The following PCDHGA10 variants were observed in gnomAD, a reference collection of about 807,000 sequenced individuals.
The protein encoded by PCDHGA10 is protocadherin gamma subfamily A, 10.
Under a neutral mutation model 59.5 loss-of-function variants are expected in PCDHGA10, and 42 were observed. The ratio of observed to expected loss-of-function variants is 0.71; its 90% confidence interval spans 0.55 to 0.91. PCDHGA10 has a LOEUF of 0.91. Ranked by LOEUF, PCDHGA10 falls within the 40% of genes least tolerant of loss-of-function variation. PCDHGA10 has a pLI of 0.00. For missense variants in PCDHGA10, 1,111 were observed against 1,198.2 expected (o/e 0.93, Z 1.07); for synonymous variants, 511 against 517.2 (o/e 0.99, Z 0.16).
chr5:141,474,961 A>G (rs1395755491), intron 1 of PCDHGA10, among the ~76,000 whole-genome samples: 1 of 152,254 alleles, frequency 6.6e-6, no homozygotes, highest in South Asian at 2.1e-4. Flanking sequence ...TCACTATCCT[A>G]ATCATTATAA....
At chr5:141,421,618 G>T (rs748399893) in intron 1 of PCDHGA10, 1 of 1,613,766 alleles carries the variant, frequency 6.2e-7, no homozygotes, top group Non-Finnish European at 8.5e-7. Flanking sequence ...TAATGATAAC[G>T]CCCCCAGCTT....
chr5:141,490,981 C>T lies in PCDHGA10; in HGVS notation c.2437-3826C>T. 19 of 1,614,096 alleles carry T rather than the reference C, an allele frequency of 1.2e-5. No homozygotes were observed. The highest frequency in any genetic ancestry group is 1.5e-5 in the Non-Finnish European group (18 of 1,180,018). Reference sequence around the variant, plus strand: ...ACACTCAGCCCCCCAGCGTCTCCCTCGCTCTGCTCCTCCTGGCTCCTTGGT... The same window carrying T: ...ACACTCAGCCCCCCAGCGTCTCCCTTGCTCTGCTCCTCCTGGCTCCTTGGT... On this transcript the variant is annotated intron_variant, in intron 1 of 3. Transcript: ENST00000398610. The surrounding 1 kb of genome is among the most constrained non-coding windows in gnomAD (Gnocchi z 5.4).
chr5:141,486,148 G>A lies in PCDHGA10; in HGVS notation c.2437-8659G>A. On this transcript the variant is annotated intron_variant, in intron 1 of 3. Coordinates refer to ENST00000398610, the MANE Select transcript of PCDHGA10 (RefSeq NM_018913.3). This position sits in a 1 kb window ranked among gnomAD's most constrained non-coding sequence, Gnocchi z 5.0. ...AATTTGATGTGCGGGCTCGCGATGG[G>A]GGTTCTCCAGCCATGGAGCAACATT... 2 of 1,614,164 alleles carry A rather than the reference G, an allele frequency of 1.2e-6. No homozygotes were observed. The highest frequency in any genetic ancestry group is 1.7e-6 in the Non-Finnish European group (2 of 1,180,026).
intron 1 of PCDHGA10, chr5:141,419,008 G>T: frequency 6.2e-7 from 1 of 1,613,978 alleles, no homozygotes; most frequent in Non-Finnish European, 8.5e-7. Flanking sequence ...GGGAAGTCAG[G>T]TGTAGCTTAA....
At position 141,491,700 on chromosome 5, in the gene PCDHGA10, G is replaced by A. The variant is rs1199177466; in HGVS notation, c.2437-3107G>A. 3.1e-6 allele frequency: 5 copies of A among 1,611,830 alleles called. No homozygotes were observed. The highest frequency in any genetic ancestry group is 4.2e-6 in the Non-Finnish European group (5 of 1,179,142). On this transcript the variant is annotated intron_variant, in intron 1 of 3. Coordinates refer to ENST00000398610, the MANE Select transcript of PCDHGA10 (RefSeq NM_018913.3). The surrounding 1 kb of genome is among the most constrained non-coding windows in gnomAD (Gnocchi z 6.9). ...CTAATACGCTGCGGGAGCGGAGCCA[G>A]GTGAGGGGCTCGGCGCCGCCCCGGG...
At chr5:141,433,068 T>G (rs1296504554) in intron 1 of PCDHGA10, 1 of 1,613,900 alleles carries the variant, frequency 6.2e-7, no homozygotes, top group South Asian at 1.1e-5. Context: ...CACCTGATCT[T>G]CCCCCAGCCC....
chr5:141,433,587 G>A (rs1228017153), intron 1 of PCDHGA10, among the ~76,000 whole-genome samples: 1 of 152,068 alleles, frequency 6.6e-6, no homozygotes, highest in African/African-American at 2.4e-5. Flanking sequence ...TGTAATCCCA[G>A]TACTTTGGGA....
chr5:141,432,969 C>T lies in PCDHGA10; in HGVS notation c.2436+17358C>T, dbSNP rs754836894. On this transcript the variant is annotated intron_variant, in intron 1 of 3. Coordinates refer to ENST00000398610, the MANE Select transcript of PCDHGA10 (RefSeq NM_018913.3). The surrounding 1 kb of genome is among the most constrained non-coding windows in gnomAD (Gnocchi z 6.0). ...GGAGGCGGCTTGACAGGAGCGCCGG[C>T]GTCGCACTTTGTGGGCGTGGACGGG... The T allele has an allele frequency of 3.7e-6, 6 of 1,614,030 alleles. No individual in the cohort carries two copies. In the African/African-American group the frequency reaches 8.0e-5, roughly 22 times the overall value.
intron 1 of PCDHGA10, chr5:141,423,297 C>T: frequency 1.9e-6 from 3 of 1,614,170 alleles, no homozygotes; most frequent in South Asian, 1.1e-5. Flanking sequence ...CCTCAGACCT[C>T]TCGCTGTACT....
rs780843098 is a variant in PCDHGA10 at position 141,431,185 on chromosome 5, T to C, written c.2436+15574T>C. On this transcript the variant is annotated intron_variant, in intron 1 of 3. Coordinates refer to ENST00000398610, the MANE Select transcript of PCDHGA10 (RefSeq NM_018913.3). The surrounding 1 kb of genome is among the most constrained non-coding windows in gnomAD (Gnocchi z 4.8). ...GTGAAAGTGAATTAGAAATAAAAAT[T>C]AGTGAAAATGCAGCCACTGAGATGC... The C allele has an allele frequency of 3.1e-6, 5 of 1,613,982 alleles. No homozygotes were observed. The highest frequency in any genetic ancestry group is 4.2e-6 in the Non-Finnish European group (5 of 1,180,016).
At chr5:141,419,521 C>A (rs1418329404) in intron 1 of PCDHGA10, 1 of 1,612,240 alleles carries the variant, frequency 6.2e-7, no homozygotes, top group Non-Finnish European at 8.5e-7. Context: ...TGGTGGGCGA[C>A]CGTAACGACA....
intron 1 of PCDHGA10, chr5:141,428,334 C>T: frequency 1.6e-6 from 1 of 618,848 alleles, no homozygotes; most frequent in Non-Finnish European, 2.9e-6. Flanking sequence ...TTTCTATGCT[C>T]TTCTTCCTCG....
Position 141,512,594 on chromosome 5 carries a change from G to C in PCDHGA10, c.*1421G>C, listed in dbSNP as rs981124898. On this transcript the variant is annotated 3_prime_UTR_variant, in exon 4 of 4. Transcript: ENST00000398610. ...CACCCCCTTCTGCCCCTGGGTCCCC[G>C]GCCATCCAGCGGGGCTGCCAGAGAA... 1 of 152,812 alleles carries C rather than the reference G, an allele frequency of 6.5e-6. No homozygotes were observed. The highest frequency in any genetic ancestry group is 6.5e-5 in the Admixed American group (1 of 15,280). The allele number at this position is 152,812 out of a possible 1,614,324, so 9.5% of individuals were successfully genotyped here. A position where few individuals can be genotyped will look rare whatever the true frequency, so the allele number is the denominator to read the frequency against.
At chr5:141,502,203 C>G (rs1562205141) in intron 2 of PCDHGA10, among the ~76,000 whole-genome samples, 1 of 152,122 alleles carries the variant, frequency 6.6e-6, no homozygotes. Context: ...ATAGAATCCA[C>G]CAGCAGATTT....
Position 141,431,859 on chromosome 5 carries a change from C to T in PCDHGA10, c.2436+16248C>T. ...AACTCTCCCAGAGGGACATTAATTG[C>T]CCTTTTAAATGTAAATGACCAAGAT... On this transcript the variant is annotated intron_variant, in intron 1 of 3. Coordinates refer to ENST00000398610, the MANE Select transcript of PCDHGA10 (RefSeq NM_018913.3). The surrounding 1 kb of genome is among the most constrained non-coding windows in gnomAD (Gnocchi z 4.8). 3.1e-6 allele frequency: 5 copies of T among 1,614,178 alleles called. No homozygotes were observed. The highest frequency in any genetic ancestry group is 4.2e-6 in the Non-Finnish European group (5 of 1,180,008).
At chr5:141,469,782 G>A (rs760985231) in intron 1 of PCDHGA10, among the ~76,000 whole-genome samples, 8 of 152,204 alleles carry the variant, frequency 5.3e-5, no homozygotes, top group African/African-American at 1.7e-4. Context: ...TTATTACAGC[G>A]TTATTTGTAA....
chr5:141,432,635 G>C lies in PCDHGA10; in HGVS notation c.2436+17024G>C, dbSNP rs754354737. On this transcript the variant is annotated intron_variant, in intron 1 of 3. Transcript: ENST00000398610. The surrounding 1 kb of genome is among the most constrained non-coding windows in gnomAD (Gnocchi z 6.0). ...CTCGGTGGGTCTGCACACGGGCGAG[G>C]TGCGCACGGCGCGAGCCCTGCTGGA... The C allele has an allele frequency of 5.6e-6, 9 of 1,612,886 alleles. No individual in the cohort carries two copies. Among genetic ancestry groups the C allele is most frequent in the Non-Finnish European group, 7.6e-6 (9 of 1,179,742 alleles).
At chr5:141,430,261 A>T (rs1236197353) in intron 1 of PCDHGA10, among the ~76,000 whole-genome samples, 1 of 152,104 alleles carries the variant, frequency 6.6e-6, no homozygotes, top group African/African-American at 2.4e-5. Context: ...CATCTCCATA[A>T]TAGGTGTGTT....
intron 1 of PCDHGA10, among the ~76,000 whole-genome samples, chr5:141,444,315 G>A (rs2098431855): frequency 6.6e-6 from 1 of 151,946 alleles, no homozygotes; most frequent in South Asian, 2.1e-4. Flanking sequence ...AGGATTACAG[G>A]CATGTGCCAC....
Sources: allele counts gnomAD v4.1 joint callset (sites outside exome capture counted in the v4.1 genomes callset), GRCh38; gene constraint gnomAD v4.1.1; non-coding constraint Gnocchi (gnomAD v3.1); transcripts MANE v1.5; gene names NCBI Gene and HGNC (gene_info 2026-07-23, HGNC 2026-07-21).